Variants in ENGASE observed in about 807,000 individuals in gnomAD.
ENGASE encodes the protein cytosolic endo-beta-N-acetylglucosaminidase.
A neutral mutation model predicts 78.5 loss-of-function variants in ENGASE; 69 were observed. The observed-to-expected ratio is 0.88, with a 90% CI of 0.72 to 1.07. ENGASE has a LOEUF of 1.07. Among genes scored for constraint, ENGASE ranks in the 50% least tolerant of loss-of-function variants. The pLI, the probability that ENGASE is intolerant of heterozygous loss-of-function variation, is 0.00. For missense variants in ENGASE, 943 were observed against 988.4 expected (o/e 0.95, Z 0.62); for synonymous variants, 408 against 408.9 (o/e 1.00, Z 0.03).
intron 3 of ENGASE, 100 bp downstream of exon 3, chr17:79,077,964 TG>T: frequency 8.0e-7 from 1 of 1,256,644 alleles, no homozygotes; most frequent in South Asian, 1.4e-5. Context: ...GAAAGAGCAC[TG>T]GGCGGGGAGT....
Position 79,086,717 on chromosome 17 carries a change from T to C in ENGASE, c.*368T>C. The stretch of plus-strand genomic sequence containing the variant: ...TGCAAGATGCTGATGCCGAGAATGA[T>C]GATTTTCTTTCCTGCAGATGAAACT... On this transcript the variant is annotated 3_prime_UTR_variant, in exon 14 of 14. Transcript: ENST00000579016. The C allele has an allele frequency of 2.6e-6, 1 of 386,068 alleles. No homozygotes were observed. Among genetic ancestry groups the C allele is most frequent in the Non-Finnish European group, 5.0e-6 (1 of 200,208 alleles). 23.9% of individuals were successfully genotyped at this position (386,068 alleles called of 1,614,324 possible).
chr17:79,081,101 G>T (rs1435666464), intron 6 of ENGASE, 28 bp downstream of exon 6: 1 of 1,562,248 alleles, frequency 6.4e-7, no homozygotes, highest in South Asian at 1.2e-5. Context: ...TGCTGTGAGG[G>T]GGCAGGTGCC....
In ENGASE at chr17:79,088,255, C is replaced by G. The variant is rs748572054; in HGVS notation, c.*1906C>G. The G allele has an allele frequency of 6.6e-6, 1 of 152,208 alleles. No individual in the cohort carries two copies. The highest frequency in any genetic ancestry group is 1.5e-5 in the Non-Finnish European group (1 of 68,052). The allele number at this position is 152,208 out of a possible 1,614,324, so 9.4% of individuals were successfully genotyped here. On this transcript the variant is annotated 3_prime_UTR_variant, in exon 14 of 14. Coordinates refer to ENST00000579016, the MANE Select transcript of ENGASE (RefSeq NM_001042573.3). ...GGGGGAACCAGGAAGGGGCTCCTGG[C>G]CTCTCTGTGTCCTCTGCAGTGGGGG... is the stretch of plus-strand genomic sequence containing the variant.
chr17:79,084,239 A>ACCACCCCCC, intron 10 of ENGASE: 1 of 163,214 alleles, frequency 6.1e-6, no homozygotes, highest in Non-Finnish European at 1.0e-5. Context: ...TTAGCCCCCC[A>ACCACCCCCC]TCCTCCCCCA....
rs1222198558 is a variant in ENGASE, at chr17:79,083,843, G to C, written c.1334G>C (p.Gly445Ala). The change falls in exon 10 of 14, where the codon GGC becomes GCC. Residue 445 changes from glycine (G) to alanine (A), a missense_variant. By Grantham distance (60) the Gly-to-Ala change is moderately conservative (BLOSUM62 0). Coordinates refer to ENST00000579016, the MANE Select transcript of ENGASE (RefSeq NM_001042573.3). This position sits in a 1 kb window ranked among gnomAD's most constrained non-coding sequence, Gnocchi z 4.9. ...LFGEHRLGGD[G>A]RGWVRTHCCL... ...GGAGAACACAGGCTGGGAGGGGATG[G>C]CCGGGGCTGGGTGAGGACGCACTGC... 1 of 1,612,734 alleles carries C rather than the reference G, an allele frequency of 6.2e-7. No individual in the cohort carries two copies. The highest frequency in any genetic ancestry group is 8.5e-7 in the Non-Finnish European group (1 of 1,179,792).
At chr17:79,084,767 TGGGGAGGAGCTGGTGTGGACAGTGG>T in intron 11 of ENGASE, 81 bp downstream of exon 11, 1 of 1,498,358 alleles carries the variant, frequency 6.7e-7, no homozygotes, top group African/African-American at 1.4e-5. Context: ...TCCTGGGGTG[TGGGGAGGAGCTGGTGTGGACAGTGG>T]GGGGGTACAT....
Position 79,083,900 on chromosome 17 carries a change from C to T in ENGASE, c.1391C>T (p.Ser464Phe), listed in dbSNP as rs773093421. The change falls in exon 10 of 14, where the codon TCC (serine) becomes TTC (phenylalanine). Residue 464 changes from serine to phenylalanine, a missense_variant. Physicochemically the swap from Ser to Phe is radical, Grantham distance 155. Coordinates refer to ENST00000579016, the MANE Select transcript of ENGASE (RefSeq NM_001042573.3). The surrounding 1 kb of genome is among the most constrained non-coding windows in gnomAD (Gnocchi z 4.9). ...GAGGATGCCTGGCACGGAGGCAGCT[C>T]CCTGCTCGTCCGGGGTGTGATCCCA... Reference protein sequence around the residue: ...CLEDAWHGGSSLLVRGVIPPE... With the variant: ...CLEDAWHGGSFLLVRGVIPPE... 4.7e-5 allele frequency: 75 copies of T among 1,611,790 alleles called. No individual in the cohort carries two copies. Among genetic ancestry groups the T allele is most frequent in the Non-Finnish European group, 6.3e-5 (74 of 1,179,858 alleles).
At chr17:79,084,836 C>T in intron 11 of ENGASE, 150 bp downstream of exon 11, 1 of 850,462 alleles carries the variant, frequency 1.2e-6, no homozygotes, top group African/African-American at 1.7e-5. Context: ...AGCTTGTGGT[C>T]AAGGCCTGGA....
intron 1 of ENGASE, 46 bp downstream of exon 1, chr17:79,075,136 G>A: frequency 8.3e-7 from 1 of 1,200,902 alleles, no homozygotes; most frequent in South Asian, 4.2e-5. Context: ...GGGGCTGAGA[G>A]TCCGTGGCCC....
Position 79,087,649 on chromosome 17 carries a change from G to A in ENGASE, c.*1300G>A, listed in dbSNP as rs1295852577. 1 of 154,060 alleles carries A rather than the reference G, an allele frequency of 6.5e-6. No individual in the cohort carries two copies. The highest frequency in any genetic ancestry group is 1.4e-5 in the Non-Finnish European group (1 of 69,152). The allele number at this position is 154,060 out of a possible 1,614,324, so 9.5% of individuals were successfully genotyped here. A position where few individuals can be genotyped will look rare whatever the true frequency, so the allele number is the denominator to read the frequency against. ...CCCAGGCCACATAGGGCCAGTGGTA[G>A]GGGTTCCCTCTATGTCGGGCAGTGC... On this transcript the variant is annotated 3_prime_UTR_variant, in exon 14 of 14. Transcript: ENST00000579016.
chr17:79,082,453 C>T (rs60449785), intron 7 of ENGASE: 57,133 of 1,210,340 alleles, frequency 0.047, 2,497 homozygotes, highest in East Asian at 0.25. Context: ...GGGGCGAGGA[C>T]GGGGGAGGTG....
chr17:79,086,413 C>T lies in ENGASE; in HGVS notation c.*64C>T. On this transcript the variant is annotated 3_prime_UTR_variant, in exon 14 of 14. Coordinates refer to ENST00000579016, the MANE Select transcript of ENGASE (RefSeq NM_001042573.3). ...GAGGCCTCTTCCCGGCTGTCTGCCC[C>T]TGGCCTGCGCTGGACCTGCTAAGTG... 6.5e-7 allele frequency: 1 copy of T among 1,529,176 alleles called. No individual in the cohort carries two copies. Among genetic ancestry groups the T allele is most frequent in the Non-Finnish European group, 8.8e-7 (1 of 1,139,266 alleles). The allele number at this position is 1,529,176 out of a possible 1,614,324, so 94.7% of individuals were successfully genotyped here.
rs375589820 is a variant in ENGASE, at chr17:79,077,715, G to A, written c.267G>A (p.Ser89=). 145 of 1,614,166 alleles carry A rather than the reference G, an allele frequency of 9.0e-5. No individual in the cohort carries two copies. In the African/African-American group the frequency reaches 1.7e-3, roughly 18 times the overall value. ...TTKPISFYLS[S]LEELLAWKPR... ...AACCAATCAGCTTTTACTTGTCTTC[G>A]CTGGAGGAGCTCTTGGCGTGGAAGC... The change falls in exon 3 of 14, where the codon TCG becomes TCA. Residue 89 remains serine (S), a synonymous_variant. Transcript: ENST00000579016.
chr17:79,080,314 C>G lies in ENGASE; in HGVS notation c.673C>G (p.Gln225Glu), dbSNP rs764588121. 3 of 1,613,842 alleles carry G rather than the reference C, an allele frequency of 1.9e-6. No individual in the cohort carries two copies. In the East Asian group the frequency reaches 6.7e-5, roughly 36 times the overall value. ...AVADRLVQITQFFRFDGWLIN... is the reference protein window; with the variant it reads ...AVADRLVQITEFFRFDGWLIN... Reference sequence around the variant, plus strand: ...GGCTGACCGGCTGGTCCAGATCACTCAGTTTTTTCGTTTTGATGGCTGGCT... The same window carrying G: ...GGCTGACCGGCTGGTCCAGATCACTGAGTTTTTTCGTTTTGATGGCTGGCT... The change falls in exon 5 of 14, where the codon CAG becomes GAG. Residue 225 changes from glutamine to glutamate, a missense_variant. By Grantham distance (29) the Gln-to-Glu change is conservative. Coordinates refer to ENST00000579016, the MANE Select transcript of ENGASE (RefSeq NM_001042573.3).
At position 79,086,006 on chromosome 17, in the gene ENGASE, A is replaced by G. The variant is rs773547238; in HGVS notation, c.1889A>G (p.Gln630Arg). 1 of 1,611,704 alleles carries G rather than the reference A, an allele frequency of 6.2e-7. No homozygotes were observed. The highest frequency in any genetic ancestry group is 8.5e-7 in the Non-Finnish European group (1 of 1,180,014). The change falls in exon 14 of 14, where the codon CAG becomes CGG. Residue 630 changes from glutamine to arginine, a missense_variant. Coordinates refer to ENST00000579016, the MANE Select transcript of ENGASE (RefSeq NM_001042573.3). ...GTCACCATCTCTCACATCCGCTGGC[A>G]GCCATCCGCCTCTGAGCGGGAGGGG... Reference protein sequence around the residue: ...QAVTISHIRWQPSASEREGPP... With the variant: ...QAVTISHIRWRPSASEREGPP...
At chr17:79,081,095 G>T in intron 6 of ENGASE, 22 bp downstream of exon 6, 5 of 1,550,750 alleles carry the variant, frequency 3.2e-6, no homozygotes, top group Non-Finnish European at 4.4e-6. Flanking sequence ...GACAGGTGCT[G>T]TGAGGGGGCA....
In ENGASE at chr17:79,080,998, G is replaced by C; in HGVS notation, c.797G>C (p.Gly266Ala). The C allele has an allele frequency of 6.2e-7, 1 of 1,613,080 alleles. No individual in the cohort carries two copies. The highest frequency in any genetic ancestry group is 8.5e-7 in the Non-Finnish European group (1 of 1,179,968). Residue 266 changes from glycine to alanine, a missense_variant, in exon 6 of 14, where the codon GGC becomes GCC. Gly to Ala is a moderately conservative substitution (Grantham distance 60). Transcript: ENST00000579016. ...TTQLHRQVPG[G>A]LVLWYDSVVQ... ...CAGCTGCACCGGCAGGTCCCAGGGG[G>C]CCTGGTGCTCTGGTATGACAGCGTG...
chr17:79,077,709 G>T lies in ENGASE; in HGVS notation c.261G>T (p.Leu87Phe). 6.2e-7 allele frequency: 1 copy of T among 1,614,200 alleles called. No individual in the cohort carries two copies. The highest frequency in any genetic ancestry group is 8.5e-7 in the Non-Finnish European group (1 of 1,180,044). The change falls in exon 3 of 14, where the codon TTG becomes TTT. Residue 87 changes from leucine (L) to phenylalanine (F), a missense_variant. Coordinates refer to ENST00000579016, the MANE Select transcript of ENGASE (RefSeq NM_001042573.3). Reference sequence around the variant, plus strand: ...CCACCAAACCAATCAGCTTTTACTTGTCTTCGCTGGAGGAGCTCTTGGCGT... The same window carrying T: ...CCACCAAACCAATCAGCTTTTACTTTTCTTCGCTGGAGGAGCTCTTGGCGT... ...KDTTKPISFY[L>F]SSLEELLAWK...
chr17:79,077,005 C>T (rs2072984626), intron 1 of ENGASE, among the ~76,000 whole-genome samples: 1 of 152,212 alleles, frequency 6.6e-6, no homozygotes, highest in East Asian at 1.9e-4. Flanking sequence ...TCCCAAGGTG[C>T]TGGGATTACA....
Sources: gnomAD v4.1 joint callset for allele counts (sites outside exome capture counted in the v4.1 genomes callset) on GRCh38, gnomAD v4.1.1 for gene constraint, Gnocchi (gnomAD v3.1) non-coding constraint, MANE v1.5 for transcripts, NCBI Gene and HGNC (gene_info 2026-07-23, HGNC 2026-07-21) for gene names.